The following EYS variants were observed in gnomAD, a reference collection of about 807,000 sequenced individuals.
EYS encodes the protein protein eyes shut homolog.
In EYS, 250 loss-of-function variants were observed where a neutral mutation model predicts 282.1. The observed-to-expected ratio is 0.89, with a 90% CI of 0.80 to 0.98. The LOEUF is 0.98. EYS is among the 50% of genes least tolerant of loss of function. The pLI, the probability that EYS is intolerant of heterozygous loss-of-function variation, is 0.00. For missense variants in EYS, 4,016 were observed against 3,709.0 expected (o/e 1.08, Z -2.15); for synonymous variants, 1,355 against 1,282.9 (o/e 1.06, Z -1.20).
chr6:63,951,724 A>T (rs1207867349), intron 35 of EYS, among the ~76,000 whole-genome samples: 3 of 151,946 alleles, frequency 2.0e-5, no homozygotes, highest in African/African-American at 7.3e-5. Flanking sequence ...CAACAATTTC[A>T]TCTTAAAGAG....
At chr6:63,901,858 A>C (rs985045622) in intron 35 of EYS, among the ~76,000 whole-genome samples, 4 of 152,144 alleles carry the variant, frequency 2.6e-5, no homozygotes, top group African/African-American at 9.7e-5. Flanking sequence ...TAAGTTTCAG[A>C]TTTTGAAGCA....
At chr6:63,823,445 G>T (rs1048535798) in intron 36 of EYS, among the ~76,000 whole-genome samples, 4 of 152,070 alleles carry the variant, frequency 2.6e-5, no homozygotes, top group Non-Finnish European at 5.9e-5. Context: ...TTTCATTTAT[G>T]AGTCAATTTG....
At chr6:65,438,323 G>A (rs1469839236) in intron 5 of EYS, among the ~76,000 whole-genome samples, 1 of 152,058 alleles carries the variant, frequency 6.6e-6, no homozygotes, top group Admixed American at 6.6e-5. Flanking sequence ...ACATACGTGT[G>A]CATGTGTCTT....
intron 2 of EYS, among the ~76,000 whole-genome samples, chr6:65,611,874 A>T (rs1333591932): frequency 1.3e-5 from 2 of 152,092 alleles, no homozygotes; most frequent in African/African-American, 4.8e-5. Context: ...AGCCAAGCTT[A>T]GGAAACATTG....
At chr6:64,395,313 C>T (rs1256112848) in intron 28 of EYS, among the ~76,000 whole-genome samples, 1 of 152,126 alleles carries the variant, frequency 6.6e-6, no homozygotes, top group African/African-American at 2.4e-5. Context: ...AATCATGCTG[C>T]TATAAAGACG....
chr6:65,301,362 G>A (rs1265442517), intron 11 of EYS, among the ~76,000 whole-genome samples: 3 of 152,318 alleles, frequency 2.0e-5, no homozygotes, highest in Admixed American at 1.3e-4. Flanking sequence ...CTTAGGCATC[G>A]CGTCATAGAG....
intron 22 of EYS, among the ~76,000 whole-genome samples, chr6:64,791,620 G>C (rs1774194276): frequency 6.6e-6 from 1 of 151,854 alleles, no homozygotes; most frequent in Admixed American, 6.6e-5. Flanking sequence ...CATTGAATCA[G>C]TGATGAATTA....
intron 22 of EYS, among the ~76,000 whole-genome samples, chr6:64,671,010 C>T (rs1769439298): frequency 6.6e-6 from 1 of 151,966 alleles, no homozygotes; most frequent in African/African-American, 2.4e-5. Flanking sequence ...CCCAGACCTA[C>T]TATTTCCTCC....
At chr6:64,402,824 T>G (rs954318167) in intron 28 of EYS, among the ~76,000 whole-genome samples, 1 of 152,224 alleles carries the variant, frequency 6.6e-6, no homozygotes, top group African/African-American at 2.4e-5. Flanking sequence ...GACCTTCTTT[T>G]TCCTTTTGTG....
chr6:64,077,951 G>A (rs905416684), intron 32 of EYS, among the ~76,000 whole-genome samples: 1 of 152,004 alleles, frequency 6.6e-6, no homozygotes, highest in African/African-American at 2.4e-5. Flanking sequence ...CTCTCCCACA[G>A]AGTGTTCTTT....
intron 12 of EYS, among the ~76,000 whole-genome samples, chr6:65,078,458 T>C (rs1002457647): frequency 1.3e-5 from 2 of 152,070 alleles, no homozygotes; most frequent in Non-Finnish European, 2.9e-5. Flanking sequence ...GAAAAATGCT[T>C]TTTAAATTAT....
chr6:63,882,847 G>C (rs1020985355), intron 35 of EYS, among the ~76,000 whole-genome samples: 9 of 152,254 alleles, frequency 5.9e-5, no homozygotes, highest in Admixed American at 5.9e-4. Flanking sequence ...GCTAAGATAT[G>C]AGAGAAAGTC....
chr6:65,346,761 C>T (rs537612998), intron 9 of EYS, among the ~76,000 whole-genome samples: 1 of 151,728 alleles, frequency 6.6e-6, no homozygotes, highest in Non-Finnish European at 1.5e-5. Flanking sequence ...CAAGAACATA[C>T]TATGTAAACG....
chr6:65,231,087 A>G (rs968417806), intron 12 of EYS, among the ~76,000 whole-genome samples: 8 of 144,366 alleles, frequency 5.5e-5, no homozygotes, highest in Non-Finnish European at 7.6e-5. Context: ...ATATATGTGT[A>G]TATATATATA....
intron 11 of EYS, among the ~76,000 whole-genome samples, chr6:65,301,761 T>A (rs1347164533): frequency 6.6e-6 from 1 of 152,226 alleles, no homozygotes; most frequent in Non-Finnish European, 1.5e-5. Context: ...GGTGAAACCG[T>A]AATGACGAAC....
chr6:65,392,668 A>C lies in EYS; in HGVS notation c.1185-8168T>G, dbSNP rs1046818746. On this transcript the variant is annotated intron_variant, in intron 7 of 42. Coordinates refer to ENST00000503581, the MANE Select transcript of EYS (RefSeq NM_001142800.2). ...AATGGCAATCATTAAAAAGTCAGGA[A>C]ACAACAGGTAATGGAGAGGATGTGG... is the stretch of plus-strand genomic sequence containing the variant. Among the ~76,000 whole-genome samples, 18 of 152,204 alleles carry C rather than the reference A, an allele frequency of 1.2e-4. 1 individual carries two copies. The South Asian group carries it at 3.7e-3, about 32-fold the overall frequency.
chr6:64,096,323 C>T, intron 31 of EYS, among the ~76,000 whole-genome samples: 1 of 152,176 alleles, frequency 6.6e-6, no homozygotes, highest in Non-Finnish European at 1.5e-5. Context: ...GGAAGTTCTC[C>T]TGGATAATAT....
intron 22 of EYS, among the ~76,000 whole-genome samples, chr6:64,790,623 A>C (rs1774159705): frequency 6.6e-6 from 1 of 151,976 alleles, no homozygotes; most frequent in Admixed American, 6.6e-5. Flanking sequence ...CTTTCACTGT[A>C]GATTTTAAAT....
At chr6:64,470,126 A>G (rs1310643863) in intron 26 of EYS, among the ~76,000 whole-genome samples, 1 of 151,880 alleles carries the variant, frequency 6.6e-6, no homozygotes, top group African/African-American at 2.4e-5. Context: ...CCTGGCATTC[A>G]GGGCCACTAC....
Sources: allele counts gnomAD v4.1 joint callset (sites outside exome capture counted in the v4.1 genomes callset), GRCh38; gene constraint gnomAD v4.1.1; transcripts MANE v1.5; gene names NCBI Gene and HGNC (gene_info 2026-07-23, HGNC 2026-07-21).